TTC7B: variants seen among roughly 807,000 people sequenced by gnomAD.
The protein encoded by TTC7B is tetratricopeptide repeat domain 7B, also known as tetratricopeptide repeat protein 7B.
TTC7B carries 28 observed loss-of-function variants against 106.8 expected under a neutral mutation model. That is an observed-to-expected ratio of 0.26 (90% confidence interval 0.19 to 0.36). The LOEUF (loss-of-function observed/expected upper bound fraction) is 0.36. Among genes scored for constraint, TTC7B ranks in the 10% least tolerant of loss-of-function variants. TTC7B has a pLI of 1.00. For synonymous variants in TTC7B, 405 were observed against 430.6 expected, an observed-to-expected ratio of 0.94 and a Z score of 0.74; for missense variants, 862 against 1,076.4, an observed-to-expected ratio of 0.80 and a Z score of 2.79.
chr14:90,761,957 T>C (rs1198329793), intron 3 of TTC7B, among the ~76,000 whole-genome samples: 1 of 152,216 alleles, frequency 6.6e-6, no homozygotes, highest in Non-Finnish European at 1.5e-5. Context: ...ACATTCTAGT[T>C]CTTTCAAATA....
In TTC7B at chr14:90,528,844, T is replaced by A. The variant is rs979680268; in HGVS notation, c.*12524A>T. 6.5e-6 allele frequency: 1 copy of A among 152,856 alleles called. No individual in the cohort carries two copies. Among genetic ancestry groups the A allele is most frequent in the Admixed American group, 6.6e-5 (1 of 15,256 alleles). The allele number at this position is 152,856 out of a possible 1,614,324, so 9.5% of individuals were successfully genotyped here. A position where few individuals can be genotyped will look rare whatever the true frequency, so the allele number is the denominator to read the frequency against. On this transcript the variant is annotated 3_prime_UTR_variant, in exon 20 of 20. Transcript: ENST00000328459. ...GTTACCTGTTTCTGATGGTGTGACATGACTGCGCTTCGTTACCCATTTCCG... is the reference window on the plus strand; with the variant it reads ...GTTACCTGTTTCTGATGGTGTGACAAGACTGCGCTTCGTTACCCATTTCCG...
At position 90,763,150 on chromosome 14, in the gene TTC7B, TATGGAACCTAGCA is replaced by T. The variant is rs577625249; in HGVS notation, c.445+17575_445+17587del. On this transcript the variant is annotated intron_variant, in intron 3 of 19. Transcript: ENST00000328459. ...TAAAATCCCCTACAAAATATTAGCATATGGAACCTAGCAATGCATTAAAAAATCATATACCATG... is the reference window on the plus strand; with the variant it reads ...TAAAATCCCCTACAAAATATTAGCATATGCATTAAAAAATCATATACCATG... 1.7e-3 allele frequency among the ~76,000 whole-genome samples: 263 copies of T among 152,246 alleles called. 3 individuals carry two copies. The highest frequency in any genetic ancestry group is 5.5e-3 in the African/African-American group (229 of 41,538).
chr14:90,792,924 G>A (rs1366126569), intron 1 of TTC7B, among the ~76,000 whole-genome samples: 1 of 152,102 alleles, frequency 6.6e-6, no homozygotes, highest in African/African-American at 2.4e-5. Context: ...ACCATGAAGT[G>A]CTGGGAGAGT....
At chr14:90,781,481 A>G (rs1336286607) in intron 2 of TTC7B, among the ~76,000 whole-genome samples, 6 of 152,214 alleles carry the variant, frequency 3.9e-5, no homozygotes, top group Admixed American at 2.6e-4. Context: ...AAACCAAACC[A>G]AAACAAAACC....
At chr14:90,563,399 C>G (rs1890666202) in intron 19 of TTC7B, among the ~76,000 whole-genome samples, 1 of 152,152 alleles carries the variant, frequency 6.6e-6, no homozygotes, top group Non-Finnish European at 1.5e-5. Flanking sequence ...GTGTGTAATA[C>G]CATTATACCT....
intron 7 of TTC7B, among the ~76,000 whole-genome samples, chr14:90,688,282 G>A (rs903330872): frequency 1.3e-5 from 2 of 152,054 alleles, no homozygotes; most frequent in African/African-American, 4.8e-5. Context: ...CTGAGGTCAG[G>A]AATTCAAGAC....
chr14:90,807,578 A>G lies in TTC7B; in HGVS notation c.121+8597T>C, dbSNP rs762607963. ...AGTTTCCCTGCCTGGTGACCTGCTC[A>G]CTCTATTTCTTCTGATGCCCCTCTG... On this transcript the variant is annotated intron_variant, in intron 1 of 19. Coordinates refer to ENST00000328459, the MANE Select transcript of TTC7B (RefSeq NM_001010854.2). The surrounding 1 kb of genome is among the most constrained non-coding windows in gnomAD (Gnocchi z 4.1). Among the ~76,000 whole-genome samples, 2 of 151,950 alleles carry G rather than the reference A, an allele frequency of 1.3e-5. No individual in the cohort carries two copies. The highest frequency in any genetic ancestry group is 2.4e-5 in the African/African-American group (1 of 41,314).
intron 1 of TTC7B, among the ~76,000 whole-genome samples, chr14:90,803,408 C>T (rs2030398515): frequency 6.6e-6 from 1 of 152,186 alleles, no homozygotes; most frequent in Non-Finnish European, 1.5e-5. Flanking sequence ...AGCAGGCTGG[C>T]CTCAGGAGAC....
intron 5 of TTC7B, chr14:90,699,382 T>C: frequency 2.8e-6 from 1 of 350,986 alleles, no homozygotes; most frequent in Non-Finnish European, 5.5e-6. Flanking sequence ...TTTGTTGTGT[T>C]GTTATTTCTC....
chr14:90,672,279 G>A (rs1886663047), intron 9 of TTC7B, among the ~76,000 whole-genome samples: 1 of 152,212 alleles, frequency 6.6e-6, no homozygotes, highest in Admixed American at 6.5e-5. Context: ...TTCCACCCAT[G>A]TAAAAGAAGA....
intron 15 of TTC7B, among the ~76,000 whole-genome samples, chr14:90,621,310 G>A (rs928526185): frequency 2.0e-5 from 3 of 151,440 alleles, no homozygotes; most frequent in South Asian, 2.1e-4. Flanking sequence ...GAGGCCACGC[G>A]GGTACAGCCG....
intron 16 of TTC7B, among the ~76,000 whole-genome samples, chr14:90,612,048 A>T (rs1161468930): frequency 6.6e-6 from 1 of 152,126 alleles, no homozygotes; most frequent in Non-Finnish European, 1.5e-5. Flanking sequence ...TACAAACAAG[A>T]TTTGGCATGA....
At chr14:90,725,353 G>A (rs1478118520) in intron 5 of TTC7B, among the ~76,000 whole-genome samples, 3 of 152,156 alleles carry the variant, frequency 2.0e-5, no homozygotes, top group African/African-American at 7.2e-5. Context: ...TGCTGCTGCT[G>A]TTGTATCTGA....
intron 19 of TTC7B, among the ~76,000 whole-genome samples, chr14:90,553,536 A>G (rs913790574): frequency 1.3e-5 from 2 of 152,098 alleles, no homozygotes; most frequent in African/African-American, 4.8e-5. Flanking sequence ...CCATGAGAGG[A>G]CAGTCTGAAC....
At chr14:90,647,177 C>T (rs1458767375) in intron 13 of TTC7B, 154 bp from the exon 14 acceptor site, 3 of 659,706 alleles carry the variant, frequency 4.5e-6, no homozygotes, top group Non-Finnish European at 5.4e-6. Flanking sequence ...TCTTTGTCCA[C>T]CTACACATGT....
At chr14:90,552,232 C>T (rs1356889402) in intron 19 of TTC7B, among the ~76,000 whole-genome samples, 2 of 152,236 alleles carry the variant, frequency 1.3e-5, no homozygotes, top group Non-Finnish European at 2.9e-5. Flanking sequence ...CGCTGCCACT[C>T]ACTCAGCCCC....
intron 18 of TTC7B, among the ~76,000 whole-genome samples, chr14:90,586,198 CG>C (rs1952150542): frequency 6.6e-6 from 1 of 152,202 alleles, no homozygotes; most frequent in African/African-American, 2.4e-5. Flanking sequence ...GCCGCGATGC[CG>C]TCTGCGCTGC....
intron 9 of TTC7B, among the ~76,000 whole-genome samples, chr14:90,671,450 G>C (rs1271647516): frequency 6.6e-6 from 1 of 152,194 alleles, no homozygotes; most frequent in African/African-American, 2.4e-5. Context: ...ATAATATCCT[G>C]TCGAAATGGA....
intron 3 of TTC7B, among the ~76,000 whole-genome samples, chr14:90,745,149 C>A (rs960623338): frequency 6.6e-6 from 1 of 151,768 alleles, no homozygotes; most frequent in South Asian, 2.1e-4. Flanking sequence ...TGACAGCAAC[C>A]GCCAGCTGTG....
Sources: gnomAD v4.1 joint callset for allele counts (sites outside exome capture counted in the v4.1 genomes callset) on GRCh38, gnomAD v4.1.1 for gene constraint, Gnocchi (gnomAD v3.1) non-coding constraint, MANE v1.5 for transcripts, NCBI Gene and HGNC (gene_info 2026-07-23, HGNC 2026-07-21) for gene names.